HEPH: variants seen among roughly 807,000 people sequenced by gnomAD.
HEPH encodes hephaestin.
Under a neutral mutation model 80.8 loss-of-function variants are expected in HEPH, and 69 were observed. The ratio of observed to expected loss-of-function variants is 0.85; its 90% CI spans 0.70 to 1.04. The LOEUF (loss-of-function observed/expected upper bound fraction) is 1.04. Ranked by LOEUF, HEPH falls within the 50% of genes least tolerant of loss-of-function variation. The probability of loss-of-function intolerance (pLI) is 0.00; values close to 1 mark genes in which losing one functional copy is unlikely to be tolerated. For missense variants in HEPH, 1,115 were observed against 891.3 expected (o/e 1.25, Z -3.20); for synonymous variants, 431 against 322.8 (o/e 1.34, Z -3.60).
At chrX:66,221,805 C>G (rs2089661203) in intron 15 of HEPH, among the ~76,000 whole-genome samples, 1 of 112,572 alleles carries the variant, frequency 8.9e-6, no homozygotes, top group Non-Finnish European at 1.9e-5. Flanking sequence ...TAACTGTCAC[C>G]TACCAAAATA....
At chrX:66,228,097 T>C (rs1019689929) in intron 15 of HEPH, among the ~76,000 whole-genome samples, 2 of 111,758 alleles carry the variant, frequency 1.8e-5, no homozygotes, top group Non-Finnish European at 3.8e-5. Context: ...TCCATGCAGC[T>C]GGGGAGACCT....
At chrX:66,193,348 C>A (rs997754788) in intron 7 of HEPH, among the ~76,000 whole-genome samples, 154 bp from the exon 8 acceptor site, 1 of 110,273 alleles carries the variant, frequency 9.1e-6, no homozygotes, top group Non-Finnish European at 1.9e-5. Flanking sequence ...GTGGTGCCAC[C>A]AAAGGAGATA....
intron 1 of HEPH, among the ~76,000 whole-genome samples, chrX:66,166,637 A>G (rs1280146104): frequency 8.9e-6 from 1 of 112,380 alleles, no homozygotes; most frequent in African/African-American, 3.2e-5. Context: ...AATAATTAGA[A>G]GGAAGAAAAA....
chrX:66,209,625 C>G (rs1440251416), intron 15 of HEPH, among the ~76,000 whole-genome samples: 1 of 112,032 alleles, frequency 8.9e-6, no homozygotes, highest in African/African-American at 3.2e-5. Flanking sequence ...CTAAAAAGAT[C>G]AATGAGGTAA....
intron 7 of HEPH, among the ~76,000 whole-genome samples, 171 bp downstream of exon 7, chrX:66,192,469 C>T (rs1488893961): frequency 8.9e-6 from 1 of 111,758 alleles, no homozygotes; most frequent in Non-Finnish European, 1.9e-5. Flanking sequence ...GGAGAGCTTG[C>T]TCTTGGGGAG....
At chrX:66,266,245 C>G (rs746069083) in intron 20 of HEPH, among the ~76,000 whole-genome samples, 195 bp from the exon 21 acceptor site, 5 of 110,878 alleles carry the variant, frequency 4.5e-5, no homozygotes, top group Non-Finnish European at 9.5e-5. Context: ...CTCAAGGACC[C>G]TTATAGCTGT....
At chrX:66,204,032 A>G (rs943016703) in intron 13 of HEPH, among the ~76,000 whole-genome samples, 4 of 112,220 alleles carry the variant, frequency 3.6e-5, no homozygotes, top group Non-Finnish European at 7.5e-5. Flanking sequence ...TGAGCAATTC[A>G]GGGCTGGCAG....
intron 4 of HEPH, among the ~76,000 whole-genome samples, chrX:66,179,754 G>A (rs767471940): frequency 9.0e-6 from 1 of 110,790 alleles, no homozygotes; most frequent in Admixed American, 9.6e-5. Flanking sequence ...TTATAAATTT[G>A]GGAGCTCCAG....
At chrX:66,265,332 C>T (rs1303077973) in intron 20 of HEPH, among the ~76,000 whole-genome samples, 1 of 110,762 alleles carries the variant, frequency 9.0e-6, no homozygotes, top group Non-Finnish European at 1.9e-5. Context: ...ATGCTGGATG[C>T]TGTGTGCTGT....
chrX:66,168,421 A>G (rs2086461696), intron 1 of HEPH, among the ~76,000 whole-genome samples: 1 of 111,758 alleles, frequency 8.9e-6, no homozygotes, highest in Admixed American at 9.5e-5. Context: ...ATATTATTAT[A>G]CCCATTTTAC....
At chrX:66,254,626 G>A (rs1341220612) in intron 15 of HEPH, among the ~76,000 whole-genome samples, 1 of 110,876 alleles carries the variant, frequency 9.0e-6, no homozygotes, top group Non-Finnish European at 1.9e-5. Flanking sequence ...GGTGACTAAA[G>A]GTTCCAAGGA....
chrX:66,248,307 T>A (rs1416937337), intron 15 of HEPH, among the ~76,000 whole-genome samples: 1 of 112,203 alleles, frequency 8.9e-6, no homozygotes. Flanking sequence ...GTATAAGTGG[T>A]GTGATAACAT....
At chrX:66,164,158 A>T (rs2086265875), upstream of HEPH, 1 of 722,963 alleles carries the variant, frequency 1.4e-6, no homozygotes. Context: ...ATTCCTCCTG[A>T]GATCCTAACC....
chrX:66,177,714 A>G (rs2086874285), intron 4 of HEPH, among the ~76,000 whole-genome samples: 1 of 110,065 alleles, frequency 9.1e-6, no homozygotes, highest in African/African-American at 3.3e-5. Flanking sequence ...TTTCAATTTC[A>G]TTTAGTTTTT....
intron 9 of HEPH, among the ~76,000 whole-genome samples, chrX:66,196,352 G>C (rs2088098055): frequency 9.0e-6 from 1 of 111,364 alleles, no homozygotes; most frequent in African/African-American, 3.3e-5. Context: ...ATAGACTCTA[G>C]GTGATAGGTT....
chrX:66,194,986 T>A, intron 8 of HEPH, 112 bp from the exon 9 acceptor site: 4 of 618,164 alleles, frequency 6.5e-6, no homozygotes, highest in Non-Finnish European at 9.2e-6. Context: ...AAAAGTTTTT[T>A]ATTTTCTTCT....
intron 4 of HEPH, among the ~76,000 whole-genome samples, chrX:66,186,552 G>C (rs2087455485): frequency 8.9e-6 from 1 of 112,918 alleles, no homozygotes; most frequent in African/African-American, 3.2e-5. Flanking sequence ...GCCTTGCCCT[G>C]CTTCGGCTCG....
upstream of HEPH, chrX:66,162,682 G>C (rs1432120038): frequency 1.8e-6 from 2 of 1,141,628 alleles, no homozygotes. Flanking sequence ...CAGTCCATGG[G>C]GCAGCGCCTA....
At chrX:66,225,918 G>A (rs779541759) in intron 15 of HEPH, among the ~76,000 whole-genome samples, 8 of 112,149 alleles carry the variant, frequency 7.1e-5, no homozygotes, top group South Asian at 7.5e-4. Context: ...CGGGAGCTTC[G>A]GCAAGACTCA....
Sources: gnomAD v4.1 joint callset for allele counts (sites outside exome capture counted in the v4.1 genomes callset) on GRCh38, gnomAD v4.1.1 for gene constraint, MANE v1.5 for transcripts, NCBI Gene and HGNC (gene_info 2026-07-23, HGNC 2026-07-21) for gene names.